Variants in DISP1 observed in about 807,000 individuals in gnomAD.
DISP1 encodes the protein protein dispatched homolog 1.
In DISP1, 30 loss-of-function variants were observed where a neutral mutation model predicts 37.3. That is an observed-to-expected ratio of 0.80 (90% CI 0.60 to 1.09). The LOEUF (loss-of-function observed/expected upper bound fraction) is 1.09. Among genes scored for constraint, DISP1 ranks in the 50% least tolerant of loss-of-function variants. The pLI is 0.00. For synonymous variants in DISP1, 634 were observed against 690.2 expected, an observed-to-expected ratio of 0.92 and a Z score of 1.28; for missense variants, 1,598 against 1,879.5, an observed-to-expected ratio of 0.85 and a Z score of 2.77.
chr1:222,842,167 A>T (rs1667645825), intron 1 of DISP1, among the ~76,000 whole-genome samples: 1 of 152,062 alleles, frequency 6.6e-6, no homozygotes. Flanking sequence ...TTAAATTCAC[A>T]CTTTATTTAC....
chr1:222,819,490 T>C (rs567025439), intron 1 of DISP1, among the ~76,000 whole-genome samples: 11 of 151,998 alleles, frequency 7.2e-5, no homozygotes, highest in African/African-American at 2.2e-4. Flanking sequence ...TACTCTTTTT[T>C]TGTGGTTTTA....
intron 4 of DISP1, among the ~76,000 whole-genome samples, chr1:222,988,670 T>TG (rs1678457830): frequency 6.6e-6 from 1 of 150,564 alleles, no homozygotes; most frequent in Admixed American, 6.6e-5. Context: ...CTCTTTTTTT[T>TG]TTTTTTTGAC....
chr1:223,005,617 G>A lies in DISP1; in HGVS notation c.4220G>A (p.Cys1407Tyr). The change falls in exon 9 of 9, where the codon TGC becomes TAC. Residue 1407 changes from cysteine to tyrosine, a missense_variant. Physicochemically the swap from Cys to Tyr is radical, Grantham distance 194 (BLOSUM62 -2). Coordinates refer to ENST00000675850, the MANE Select transcript of DISP1 (RefSeq NM_001377229.1). The stretch of plus-strand genomic sequence containing the variant: ...ACTGGATCGTTACTCAAAACGTGTT[G>A]CGACCCCGAGAATAAACAAAGGGAA... ...RSTGSLLKTC[C>Y]DPENKQRELC... is the part of the protein sequence containing the mutation. The A allele has an allele frequency of 6.2e-7, 1 of 1,612,520 alleles. No homozygotes were observed. The highest frequency in any genetic ancestry group is 8.5e-7 in the Non-Finnish European group (1 of 1,179,580).
At chr1:222,937,302 G>C (rs1674018935) in intron 2 of DISP1, among the ~76,000 whole-genome samples, 1 of 151,644 alleles carries the variant, frequency 6.6e-6, no homozygotes, top group Admixed American at 6.6e-5. Context: ...GTGTTAGCCA[G>C]GATGGTCTCG....
At chr1:222,847,810 C>T (rs36113407) in intron 1 of DISP1, among the ~76,000 whole-genome samples, 17,615 of 151,946 alleles carry the variant, frequency 0.12, 1,407 homozygotes, top group Non-Finnish European at 0.16. Flanking sequence ...TTTGAATTAG[C>T]CCAATGGTTA....
In DISP1 at chr1:223,003,440, A is replaced by C. The variant is rs1679630424; in HGVS notation, c.2043A>C (p.Lys681Asn). ...CCCAGCAGCAAATATATGATAACAAAAGCTGCTGGACAGTGGCTTGCCAGA... is the reference window on the plus strand; with the variant it reads ...CCCAGCAGCAAATATATGATAACAACAGCTGCTGGACAGTGGCTTGCCAGA... ...KKPQQQIYDN[K>N]SCWTVACQKC... Residue 681 changes from lysine (K) to asparagine (N), a missense_variant, in exon 9 of 9, where the codon AAA (lysine) becomes AAC (asparagine). Lys to Asn is a moderately conservative substitution (Grantham distance 94). Transcript: ENST00000675850. The surrounding 1 kb of genome is among the most constrained non-coding windows in gnomAD (Gnocchi z 4.3). 9 of 1,614,136 alleles carry C rather than the reference A, an allele frequency of 5.6e-6. No homozygotes were observed. The highest frequency in any genetic ancestry group is 7.6e-6 in the Non-Finnish European group (9 of 1,180,038).
intron 1 of DISP1, among the ~76,000 whole-genome samples, chr1:222,887,486 G>GTTTTTTTTTTTTT (rs940346379): frequency 2.4e-4 from 20 of 83,110 alleles, no homozygotes; most frequent in African/African-American, 3.8e-4. Flanking sequence ...CATTGTTTTT[G>GTTTTTTTTTTTTT]TTTTTTTTTT....
At chr1:222,977,081 G>A (rs1269975913) in intron 3 of DISP1, among the ~76,000 whole-genome samples, 1 of 152,142 alleles carries the variant, frequency 6.6e-6, no homozygotes, top group Non-Finnish European at 1.5e-5. Context: ...CCAGGCTGGA[G>A]TACAATGGCG....
At chr1:222,952,210 G>T (rs1486823755) in intron 3 of DISP1, among the ~76,000 whole-genome samples, 1 of 152,116 alleles carries the variant, frequency 6.6e-6, no homozygotes, top group Non-Finnish European at 1.5e-5. Flanking sequence ...TTTCAATAAA[G>T]CCAGTAAAAT....
intron 1 of DISP1, among the ~76,000 whole-genome samples, chr1:222,832,669 C>T (rs1055095093): frequency 1.3e-4 from 20 of 151,968 alleles, no homozygotes; most frequent in Admixed American, 1.2e-3. Flanking sequence ...CCAAGGTGGG[C>T]GGATCACCTG....
At chr1:222,910,410 T>G (rs1404380546) in intron 1 of DISP1, among the ~76,000 whole-genome samples, 2 of 152,132 alleles carry the variant, frequency 1.3e-5, no homozygotes, top group Non-Finnish European at 2.9e-5. Context: ...TAAGACATTT[T>G]AACATATGTG....
rs1229773438 is a variant in DISP1 at position 222,893,836 on chromosome 1, G to C, written c.-158-34594G>C. On this transcript the variant is annotated intron_variant, in intron 1 of 8. Transcript: ENST00000675850. This position sits in a 1 kb window ranked among gnomAD's most constrained non-coding sequence, Gnocchi z 4.3. ...GTGTTTCAGCCCTGTTTGTGTTACA[G>C]CTCTTTCAGCCCTGCCATTCAGCAG... Among the ~76,000 whole-genome samples the C allele has an allele frequency of 1.3e-5, 2 of 152,196 alleles. No individual in the cohort carries two copies. The highest frequency in any genetic ancestry group is 2.4e-5 in the African/African-American group (1 of 41,448).
At position 222,834,589 on chromosome 1, in the gene DISP1, A is replaced by G. The variant is rs550852800; in HGVS notation, c.-159+19511A>G. Among the ~76,000 whole-genome samples the G allele has an allele frequency of 2.0e-5, 3 of 152,350 alleles. No individual in the cohort carries two copies. The East Asian group carries it at 5.8e-4, about 29-fold the overall frequency. On this transcript the variant is annotated intron_variant, in intron 1 of 8. Coordinates refer to ENST00000675850, the MANE Select transcript of DISP1 (RefSeq NM_001377229.1). ...GACAGGTAGGGCACACTAAGCTTATACATGAAAATTCAGACTGCTTTAAAA... is the reference window on the plus strand; with the variant it reads ...GACAGGTAGGGCACACTAAGCTTATGCATGAAAATTCAGACTGCTTTAAAA...
chr1:222,908,025 C>T (rs1672002719), intron 1 of DISP1, among the ~76,000 whole-genome samples: 1 of 152,076 alleles, frequency 6.6e-6, no homozygotes, highest in Admixed American at 6.5e-5. Flanking sequence ...ATTGGATGTA[C>T]AGAGTTTTTT....
intron 8 of DISP1, among the ~76,000 whole-genome samples, chr1:222,996,617 G>A (rs1679088514): frequency 6.6e-6 from 1 of 152,148 alleles, no homozygotes; most frequent in African/African-American, 2.4e-5. Flanking sequence ...GTGCCAGGAA[G>A]TGTTCTAAAT....
At chr1:222,878,085 T>C (rs1269496555) in intron 1 of DISP1, among the ~76,000 whole-genome samples, 1 of 152,180 alleles carries the variant, frequency 6.6e-6, no homozygotes, top group Non-Finnish European at 1.5e-5. Flanking sequence ...CCACTGACTA[T>C]TATAGTAAGC....
chr1:222,828,803 C>G (rs142103884), intron 1 of DISP1, among the ~76,000 whole-genome samples: 1 of 152,124 alleles, frequency 6.6e-6, no homozygotes, highest in East Asian at 1.9e-4. Context: ...TGGAGCATTT[C>G]TCTTACTTTA....
chr1:222,827,554 C>T (rs1664733768), intron 1 of DISP1: 1 of 152,074 alleles, frequency 6.6e-6, no homozygotes, highest in African/African-American at 2.4e-5. Flanking sequence ...GTTATTTTAT[C>T]AAATTTTGGT....
intron 2 of DISP1, among the ~76,000 whole-genome samples, chr1:222,939,153 G>A (rs912272726): frequency 1.3e-5 from 2 of 152,054 alleles, no homozygotes; most frequent in African/African-American, 4.8e-5. Flanking sequence ...AAAATAGGTT[G>A]TGTTCCAAAA....
Sources: allele counts gnomAD v4.1 joint callset (sites outside exome capture counted in the v4.1 genomes callset), GRCh38; gene constraint gnomAD v4.1.1; non-coding constraint Gnocchi (gnomAD v3.1); transcripts MANE v1.5; gene names NCBI Gene and HGNC (gene_info 2026-07-23, HGNC 2026-07-21).